Variants in LRCH1 observed in about 807,000 individuals in gnomAD.
LRCH1 encodes the protein leucine rich repeats and calponin homology domain containing 1, also known as leucine-rich repeat and calponin homology domain-containing protein 1.
LRCH1 carries 23 observed loss-of-function variants against 94.9 expected under a neutral mutation model. That is an observed-to-expected ratio of 0.24 (90% CI 0.17 to 0.34). LRCH1 has a LOEUF of 0.34. LRCH1 is among the 10% of genes least tolerant of loss of function. The pLI, the probability that LRCH1 is intolerant of heterozygous loss-of-function variation, is 1.00. For synonymous variants in LRCH1, 364 were observed against 354.9 expected (o/e 1.03, Z -0.29); for missense variants, 790 against 945.9 (o/e 0.84, Z 2.16).
chr13:46,650,553 A>C (rs987473953), intron 2 of LRCH1, among the ~76,000 whole-genome samples: 10 of 98,654 alleles, frequency 1.0e-4, no homozygotes, highest in East Asian at 3.6e-4. Flanking sequence ...AATATGAATA[A>C]GACAAGGTTT....
intron 11 of LRCH1, among the ~76,000 whole-genome samples, chr13:46,703,190 A>G (rs1178946793): frequency 6.6e-6 from 1 of 152,222 alleles, no homozygotes; most frequent in Non-Finnish European, 1.5e-5. Context: ...TCATACATGT[A>G]TGTTAGTACA....
intron 8 of LRCH1, among the ~76,000 whole-genome samples, chr13:46,692,945 T>G (rs562321322): frequency 6.6e-6 from 1 of 152,120 alleles, no homozygotes; most frequent in South Asian, 2.1e-4. Flanking sequence ...CTAATCTCAT[T>G]CTGAAGACTT....
chr13:46,633,211 A>T (rs1231954217), intron 1 of LRCH1, among the ~76,000 whole-genome samples: 2 of 152,196 alleles, frequency 1.3e-5, no homozygotes, highest in African/African-American at 4.8e-5. Context: ...AGGAAAAAAA[A>T]TTGCCCAAGG....
At chr13:46,702,432 A>G (rs536403578) in intron 11 of LRCH1, among the ~76,000 whole-genome samples, 1 of 152,186 alleles carries the variant, frequency 6.6e-6, no homozygotes, top group South Asian at 2.1e-4. Context: ...AGCCCAGGAG[A>G]CAGAGGTTGC....
At chr13:46,655,402 G>T (rs1029512501) in intron 2 of LRCH1, among the ~76,000 whole-genome samples, 1 of 152,222 alleles carries the variant, frequency 6.6e-6, no homozygotes, top group African/African-American at 2.4e-5. Flanking sequence ...ATTTACTGCT[G>T]TTTATGTAGC....
chr13:46,588,564 C>T (rs1372400726), intron 1 of LRCH1, among the ~76,000 whole-genome samples: 2 of 149,482 alleles, frequency 1.3e-5, no homozygotes, highest in African/African-American at 4.9e-5. Context: ...AATTAATTAA[C>T]ATGGTGCTGT....
intron 8 of LRCH1, 54 bp from the exon 9 acceptor site, chr13:46,694,839 T>C: frequency 6.3e-7 from 1 of 1,586,202 alleles, no homozygotes; most frequent in South Asian, 1.1e-5. Context: ...CAGCTGTGTT[T>C]TGCTCTTCTG....
At chr13:46,600,418 A>G (rs1336852674) in intron 1 of LRCH1, among the ~76,000 whole-genome samples, 1 of 152,200 alleles carries the variant, frequency 6.6e-6, no homozygotes, top group Non-Finnish European at 1.5e-5. Flanking sequence ...CCGTATGGTC[A>G]GTCCTTCTAA....
At chr13:46,691,598 G>A (rs937286873) in intron 7 of LRCH1, among the ~76,000 whole-genome samples, 1 of 152,254 alleles carries the variant, frequency 6.6e-6, no homozygotes, top group Non-Finnish European at 1.5e-5. Context: ...GGGCCTCAGG[G>A]TTGAAGGTGA....
At chr13:46,701,538 CT>C (rs1353146370) in intron 11 of LRCH1, among the ~76,000 whole-genome samples, 3 of 151,750 alleles carry the variant, frequency 2.0e-5, no homozygotes, top group African/African-American at 7.3e-5. Flanking sequence ...GTTTAAACCC[CT>C]GATTTATAAA....
At chr13:46,688,968 C>T (rs1870760172) in intron 6 of LRCH1, among the ~76,000 whole-genome samples, 165 bp from the exon 7 acceptor site, 1 of 152,114 alleles carries the variant, frequency 6.6e-6, no homozygotes, top group African/African-American at 2.4e-5. Flanking sequence ...TCATTAGGTC[C>T]ATGTCTTAAT....
intron 1 of LRCH1, among the ~76,000 whole-genome samples, chr13:46,623,082 A>G (rs747325708): frequency 6.6e-5 from 10 of 152,064 alleles, no homozygotes; most frequent in Admixed American, 1.3e-4. Flanking sequence ...ATTTGCATGC[A>G]CTGTAATTGG....
At chr13:46,738,535 A>C (rs1450893239) in intron 19 of LRCH1, among the ~76,000 whole-genome samples, 1 of 152,238 alleles carries the variant, frequency 6.6e-6, no homozygotes, top group East Asian at 1.9e-4. Context: ...AAGACAATCT[A>C]TAAATTGAAG....
At chr13:46,750,518 G>A (rs1332477946) in intron 18 of LRCH1, 1 of 1,483,600 alleles carries the variant, frequency 6.7e-7, no homozygotes, top group Admixed American at 2.0e-5. Context: ...AAAAATTGAT[G>A]TTTTATTCTT....
chr13:46,699,161 T>C (rs1055839315), intron 9 of LRCH1, among the ~76,000 whole-genome samples, 175 bp from the exon 10 acceptor site: 6 of 152,242 alleles, frequency 3.9e-5, no homozygotes, highest in African/African-American at 1.4e-4. Context: ...AGTAATATTC[T>C]AGTGCATGTA....
At chr13:46,644,269 T>A (rs2051194114) in intron 1 of LRCH1, among the ~76,000 whole-genome samples, 1 of 152,222 alleles carries the variant, frequency 6.6e-6, no homozygotes, top group Non-Finnish European at 1.5e-5. Flanking sequence ...CTTTGCCAGC[T>A]GTCATTCATC....
At chr13:46,599,165 G>C (rs1329396587) in intron 1 of LRCH1, among the ~76,000 whole-genome samples, 1 of 152,198 alleles carries the variant, frequency 6.6e-6, no homozygotes, top group African/African-American at 2.4e-5. Flanking sequence ...TGTAGCAGGT[G>C]TCAGAATTTC....
chr13:46,621,855 G>C (rs2050883830), intron 1 of LRCH1, among the ~76,000 whole-genome samples: 2 of 152,104 alleles, frequency 1.3e-5, no homozygotes, highest in South Asian at 4.1e-4. Context: ...AGTGGGAGGA[G>C]GTGTTGTTTT....
intron 3 of LRCH1, 92 bp from the exon 4 acceptor site, chr13:46,681,649 C>A: frequency 1.1e-6 from 1 of 869,620 alleles, no homozygotes; most frequent in Non-Finnish European, 1.9e-6. Context: ...TGTAGTTGTC[C>A]AAATATTTAA....
Sources: gnomAD v4.1 joint callset for allele counts (sites outside exome capture counted in the v4.1 genomes callset) on GRCh38, gnomAD v4.1.1 for gene constraint, MANE v1.5 for transcripts, NCBI Gene and HGNC (gene_info 2026-07-23, HGNC 2026-07-21) for gene names.